P2RY8: variants seen among roughly 807,000 people sequenced by gnomAD.
P2RY8 encodes P2Y receptor family member 8, also known as S-geranylgeranyl-glutathione receptor P2RY8.
In P2RY8, 6 loss-of-function variants were observed where a neutral mutation model predicts 10.0. The ratio of observed to expected loss-of-function variants is 0.60; its 90% CI spans 0.33 to 1.19. The LOEUF (loss-of-function observed/expected upper bound fraction) is 1.19, where lower values mean the gene tolerates loss of function less well. Ranked by LOEUF, P2RY8 falls within the 50% of genes most tolerant of loss-of-function variation. P2RY8 has a pLI of 0.04. For synonymous variants in P2RY8, 276 were observed against 252.5 expected (o/e 1.09, Z -0.88); for missense variants, 456 against 542.0 (o/e 0.84, Z 1.58).
chrX:1,524,406 CATGCA>C (rs1291068427), intron 1 of P2RY8, among the ~76,000 whole-genome samples: 4,711 of 47,616 alleles, frequency 0.099, 430 homozygotes, highest in South Asian at 0.2. Flanking sequence ...TCCATCCATG[CATGCA>C]TCCATCCATC....
At chrX:1,509,813 CT>C (rs2092284669) in intron 1 of P2RY8, among the ~76,000 whole-genome samples, 1 of 96,354 alleles carries the variant, frequency 1.0e-5, no homozygotes, top group African/African-American at 3.5e-5. Context: ...ATCTATCTAT[CT>C]ATCTATCTAT....
rs2092321925 is a variant in P2RY8, at chrX:1,514,325, C to T, written c.-25+22596G>A. On this transcript the variant is annotated intron_variant, in intron 1 of 1. Transcript: ENST00000381297. ...TTTCCTTTCCTTTTCCTTTCCTTTC[C>T]ATTTCTTTCCTTTCCTTCCCTTCCC... Among the ~76,000 whole-genome samples, 3 of 138,276 alleles carry T rather than the reference C, an allele frequency of 2.2e-5. No homozygotes were observed. In the South Asian group the frequency reaches 6.8e-4, roughly 31 times the overall value. 90.7% of individuals were successfully genotyped at this position (138,276 alleles called of 152,430 possible).
At chrX:1,498,182 A>G (rs772314153) in intron 1 of P2RY8, among the ~76,000 whole-genome samples, 37 of 152,030 alleles carry the variant, frequency 2.4e-4, no homozygotes, top group South Asian at 1.2e-3. Context: ...CGAGGCGGGC[A>G]GATCGCGAGG....
chrX:1,524,768 T>C (rs1245908733), intron 1 of P2RY8, among the ~76,000 whole-genome samples: 1 of 99,786 alleles, frequency 1.0e-5, no homozygotes, highest in Non-Finnish European at 2.4e-5. Flanking sequence ...CATCCATCCA[T>C]CCATCCATCC....
At chrX:1,469,614 G>T (rs1369823135) in intron 1 of P2RY8, among the ~76,000 whole-genome samples, 1 of 152,004 alleles carries the variant, frequency 6.6e-6, no homozygotes, top group African/African-American at 2.4e-5. Flanking sequence ...TTTGCCAGCC[G>T]GGCACGGTGG....
chrX:1,517,863 CT>C (rs2092362006), intron 1 of P2RY8, among the ~76,000 whole-genome samples: 1 of 152,118 alleles, frequency 6.6e-6, no homozygotes, highest in Admixed American at 6.6e-5. Flanking sequence ...CATTCCAGCG[CT>C]TTAAGAGGCT....
At chrX:1,481,171 A>ATTTT (rs112989794) in intron 1 of P2RY8, among the ~76,000 whole-genome samples, 1 of 148,454 alleles carries the variant, frequency 6.7e-6, no homozygotes, top group Non-Finnish European at 1.5e-5. Flanking sequence ...CACGCAATAC[A>ATTTT]TTTTTTTTTT....
At chrX:1,505,650 T>C (rs1603457927) in intron 1 of P2RY8, among the ~76,000 whole-genome samples, 1 of 151,592 alleles carries the variant, frequency 6.6e-6, no homozygotes, top group African/African-American at 2.4e-5. Context: ...CTTAGCTGGG[T>C]GTGGTGGCGG....
Position 1,524,882 on chromosome X carries a change from CATCCATCT to C in P2RY8, c.-25+12031_-25+12038del, listed in dbSNP as rs1171312112. ...CCATTCAACCATCCACTCATCCATC[CATCCATCT>C]ATCCATCCATCCATCCATCCATCCA... is the stretch of plus-strand genomic sequence containing the variant. On this transcript the variant is annotated intron_variant, in intron 1 of 1. Coordinates refer to ENST00000381297, the MANE Select transcript of P2RY8 (RefSeq NM_178129.5). Among the ~76,000 whole-genome samples, 171 of 95,466 alleles carry C rather than the reference CATCCATCT, an allele frequency of 1.8e-3. 1 individual carries two copies. The highest frequency in any genetic ancestry group is 5.5e-3 in the African/African-American group (161 of 29,470). 62.6% of individuals were successfully genotyped at this position (95,466 alleles called of 152,430 possible). A position where few individuals can be genotyped will look rare whatever the true frequency, so the allele number is the denominator to read the frequency against.
At chrX:1,493,460 G>T (rs2092085800) in intron 1 of P2RY8, among the ~76,000 whole-genome samples, 1 of 115,054 alleles carries the variant, frequency 8.7e-6, no homozygotes, top group Non-Finnish European at 1.8e-5. Flanking sequence ...GAGGAAGGAG[G>T]GAGGAGGGAG....
intron 1 of P2RY8, among the ~76,000 whole-genome samples, chrX:1,529,001 G>A (rs192647269): frequency 1.3e-5 from 2 of 152,208 alleles, no homozygotes; most frequent in Non-Finnish European, 1.5e-5. Flanking sequence ...TATAAATGAC[G>A]CTCCCCATTG....
At chrX:1,500,213 G>C (rs1189601586) in intron 1 of P2RY8, among the ~76,000 whole-genome samples, 1 of 151,758 alleles carries the variant, frequency 6.6e-6, no homozygotes, top group Admixed American at 6.6e-5. Context: ...CTACTTTCAT[G>C]ATTAATTTCT....
chrX:1,493,389 GAGGGAGGGA>G (rs1202848199), intron 1 of P2RY8, among the ~76,000 whole-genome samples: 1 of 47,716 alleles, frequency 2.1e-5, no homozygotes, highest in African/African-American at 6.1e-5. Context: ...AGGAAGGAGG[GAGGGAGGGA>G]AGGAGGAAGG....
chrX:1,520,010 ATCTCTCTGGTCCTCAATCATC>A lies in P2RY8; in HGVS notation c.-25+16890_-25+16910del, dbSNP rs772232543. ...CCAATTATCACCTTGGTCCCTAATA[ATCTCTCTGGTCCTCAATCATC>A]TCTCTCTGGTCCCCAATAATCTCTC... On this transcript the variant is annotated intron_variant, in intron 1 of 1. Transcript: ENST00000381297. Among the ~76,000 whole-genome samples, 30 of 145,296 alleles carry A rather than the reference ATCTCTCTGGTCCTCAATCATC, an allele frequency of 2.1e-4. 1 individual carries two copies. In the East Asian group the frequency reaches 4.8e-3, roughly 23 times the overall value.
rs2092326963 is a variant in P2RY8, at chrX:1,514,658, TC to T, written c.-25+22262del. On this transcript the variant is annotated intron_variant, in intron 1 of 1. Coordinates refer to ENST00000381297, the MANE Select transcript of P2RY8 (RefSeq NM_178129.5). ...TTCCCTTCCCTTCCCTTTCCTCCCC[TC>T]CCTTCCCTTCCCTTCCTTTCCCTTC... Among the ~76,000 whole-genome samples, 2 of 1,070 alleles carry T rather than the reference TC, an allele frequency of 1.9e-3. 1 individual carries two copies. Among genetic ancestry groups the T allele is most frequent in the Non-Finnish European group, 0.042 (2 of 48 alleles). The allele number at this position is 1,070 out of a possible 152,430, so 0.7% of individuals were successfully genotyped here. A position where few individuals can be genotyped will look rare whatever the true frequency, so the allele number is the denominator to read the frequency against.
chrX:1,517,446 G>A lies in P2RY8; in HGVS notation c.-25+19475C>T, dbSNP rs544160214. ...CCCACAAACACCCCCAACCTTGTCCGCCTCTGTGTGCCTTGTGGGCAGTCC... is the reference window on the plus strand; with the variant it reads ...CCCACAAACACCCCCAACCTTGTCCACCTCTGTGTGCCTTGTGGGCAGTCC... On this transcript the variant is annotated intron_variant, in intron 1 of 1. Coordinates refer to ENST00000381297, the MANE Select transcript of P2RY8 (RefSeq NM_178129.5). Among the ~76,000 whole-genome samples the A allele has an allele frequency of 2.1e-3, 319 of 152,244 alleles. 1 individual carries two copies. The highest frequency in any genetic ancestry group is 7.5e-3 in the African/African-American group (310 of 41,530).
chrX:1,477,188 CAAA>C lies in P2RY8; in HGVS notation c.-24-10609_-24-10607del, dbSNP rs753336144. On this transcript the variant is annotated intron_variant, in intron 1 of 1. Coordinates refer to ENST00000381297, the MANE Select transcript of P2RY8 (RefSeq NM_178129.5). The stretch of plus-strand genomic sequence containing the variant: ...TGGGCGACAGAGCAAGACTGCATCT[CAAA>C]AAAAAAAAAAGAAGAAGAAGAAGAA... Among the ~76,000 whole-genome samples, 9 of 145,152 alleles carry C rather than the reference CAAA, an allele frequency of 6.2e-5. No homozygotes were observed. The South Asian group carries it at 6.5e-4, about 10-fold the overall frequency.
chrX:1,514,118 C>T (rs147198012), intron 1 of P2RY8, among the ~76,000 whole-genome samples: 1 of 152,066 alleles, frequency 6.6e-6, no homozygotes, highest in Non-Finnish European at 1.5e-5. Flanking sequence ...CACTTTTAGC[C>T]CTGAGGTTCT....
At chrX:1,532,289 T>A (rs1205806095) in intron 1 of P2RY8, among the ~76,000 whole-genome samples, 1 of 139,554 alleles carries the variant, frequency 7.2e-6, no homozygotes, top group Non-Finnish European at 1.6e-5. Context: ...CACACATATA[T>A]GTCATATATA....
Sources: gnomAD v4.1 joint callset for allele counts (sites outside exome capture counted in the v4.1 genomes callset) on GRCh38, gnomAD v4.1.1 for gene constraint, MANE v1.5 for transcripts, NCBI Gene and HGNC (gene_info 2026-07-23, HGNC 2026-07-21) for gene names.